Variants in INSR observed in about 807,000 individuals in gnomAD.
INSR encodes IR.
INSR carries 67 observed loss-of-function variants against 142.6 expected under a neutral mutation model. The observed-to-expected ratio is 0.47, with a 90% CI of 0.39 to 0.58. The LOEUF (loss-of-function observed/expected upper bound fraction) is 0.58. INSR is among the 20% of genes least tolerant of loss of function. The pLI, the probability that INSR is intolerant of heterozygous loss-of-function variation, is 0.00. For synonymous variants in INSR, 756 were observed against 743.1 expected (o/e 1.02, Z -0.28); for missense variants, 1,248 against 1,833.2 (o/e 0.68, Z 5.83).
intron 9 of INSR, 105 bp from the exon 10 acceptor site, chr19:7,153,032 ACACACACACCACACACCCCCC>A (rs1973428894): frequency 2.1e-6 from 1 of 466,456 alleles, no homozygotes; most frequent in African/African-American, 5.2e-5. Context: ...CACACCACAC[ACACACACACCACACACCCCCC>A]CACACACACA....
chr19:7,270,339 T>TCACACACACACACA (rs1178953100), intron 1 of INSR, among the ~76,000 whole-genome samples: 11 of 120,236 alleles, frequency 9.1e-5, no homozygotes, highest in South Asian at 2.7e-4. Context: ...TCTCTCTCTC[T>TCACACACACACACA]CACACACACA....
intron 2 of INSR, among the ~76,000 whole-genome samples, chr19:7,241,171 T>C (rs1472529213): frequency 8.2e-6 from 1 of 121,536 alleles, no homozygotes; most frequent in Non-Finnish European, 1.7e-5. Flanking sequence ...CTTTTTATTT[T>C]ATTTTGTTTT....
chr19:7,156,639 C>A (rs188414689), intron 9 of INSR, among the ~76,000 whole-genome samples: 138 of 151,832 alleles, frequency 9.1e-4, no homozygotes, highest in African/African-American at 3.0e-3. Flanking sequence ...GAAACCCTGA[C>A]CTAAAGGCAT....
At chr19:7,208,833 T>C (rs1975191967) in intron 2 of INSR, among the ~76,000 whole-genome samples, 1 of 151,434 alleles carries the variant, frequency 6.6e-6, no homozygotes, top group South Asian at 2.1e-4. Context: ...CGAAACCCCC[T>C]CTCTACTAAA....
At chr19:7,156,555 G>A (rs931938680) in intron 9 of INSR, among the ~76,000 whole-genome samples, 7 of 152,094 alleles carry the variant, frequency 4.6e-5, no homozygotes, top group African/African-American at 1.7e-4. Flanking sequence ...ATGCTGCTGA[G>A]CACCCTGAAG....
At position 7,119,498 on chromosome 19, in the gene INSR, C is replaced by T; in HGVS notation, c.3745G>A (p.Val1249Ile). The T allele has an allele frequency of 1.2e-6, 2 of 1,614,188 alleles. No individual in the cohort carries two copies. Among genetic ancestry groups the T allele is most frequent in the Non-Finnish European group, 1.7e-6 (2 of 1,180,020 alleles). ...TGATCCAGATACCCTCCATCCATGA[C>T]AAATTTCAACACCTGTTCATTAGAC... ...GLSNEQVLKF[V>I]MDGGYLDQPD... The change falls in exon 21 of 22, where the codon GTC becomes ATC. Residue 1249 changes from valine to isoleucine, a missense_variant. Val to Ile is a conservative substitution (Grantham distance 29, BLOSUM62 3). Coordinates refer to ENST00000302850, the MANE Select transcript of INSR (RefSeq NM_000208.4). The surrounding 1 kb of genome is among the most constrained non-coding windows in gnomAD (Gnocchi z 5.2).
intron 13 of INSR, among the ~76,000 whole-genome samples, chr19:7,139,170 A>G (rs1973008701): frequency 6.6e-6 from 1 of 152,200 alleles, no homozygotes; most frequent in Non-Finnish European, 1.5e-5. Flanking sequence ...GGCCCCAGCC[A>G]TGTGAATGAG....
intron 2 of INSR, among the ~76,000 whole-genome samples, chr19:7,233,382 C>G (rs1007575934): frequency 1.3e-5 from 2 of 152,186 alleles, no homozygotes; most frequent in African/African-American, 4.8e-5. Context: ...CGGCTACTAA[C>G]AGGTTAAGCC....
intron 14 of INSR, among the ~76,000 whole-genome samples, chr19:7,131,208 AGACTAACACAGGT>A (rs1408890219): frequency 6.6e-6 from 1 of 151,626 alleles, no homozygotes; most frequent in Non-Finnish European, 1.5e-5. Context: ...GTGTAAGTAC[AGACTAACACAGGT>A]GCCTACTTGA....
chr19:7,256,157 G>C (rs970285441), intron 2 of INSR, among the ~76,000 whole-genome samples: 2 of 151,824 alleles, frequency 1.3e-5, no homozygotes, highest in African/African-American at 2.4e-5. Flanking sequence ...ATAAATAAGG[G>C]CTGGGCATGG....
chr19:7,274,544 T>C (rs1968009667), intron 1 of INSR, among the ~76,000 whole-genome samples: 1 of 151,860 alleles, frequency 6.6e-6, no homozygotes, highest in Admixed American at 6.6e-5. Flanking sequence ...CTCACGCCTG[T>C]AATCCCAGCA....
chr19:7,208,184 A>G (rs1485234021), intron 2 of INSR, among the ~76,000 whole-genome samples: 1 of 152,148 alleles, frequency 6.6e-6, no homozygotes, highest in Non-Finnish European at 1.5e-5. Context: ...TGTGGCTGCC[A>G]GGAGGAACCG....
At chr19:7,235,456 G>T (rs548235441) in intron 2 of INSR, among the ~76,000 whole-genome samples, 1 of 152,126 alleles carries the variant, frequency 6.6e-6, no homozygotes, top group Non-Finnish European at 1.5e-5. Context: ...TGTGTCTGGC[G>T]CTAGAGCTTA....
intron 7 of INSR, 107 bp downstream of exon 7, chr19:7,167,861 A>G: frequency 7.6e-7 from 1 of 1,318,970 alleles, no homozygotes; most frequent in Non-Finnish European, 1.1e-6. Context: ...CAGGAGGAGG[A>G]GGGAGATAGA....
intron 2 of INSR, among the ~76,000 whole-genome samples, chr19:7,206,882 C>T (rs914648878): frequency 1.3e-5 from 2 of 152,096 alleles, no homozygotes; most frequent in African/African-American, 4.8e-5. Flanking sequence ...CATCTAAATC[C>T]CCTTTGAAAC....
chr19:7,193,803 C>T (rs1229285871), intron 2 of INSR, among the ~76,000 whole-genome samples: 6 of 152,044 alleles, frequency 3.9e-5, no homozygotes. Context: ...GCTCCTCCTA[C>T]CTCAGCCTCC....
intron 2 of INSR, among the ~76,000 whole-genome samples, chr19:7,197,835 C>CGAGA (rs748138504): frequency 2.8e-4 from 8 of 28,314 alleles, no homozygotes; most frequent in Non-Finnish European, 3.2e-4. Flanking sequence ...AGAGAGAGAA[C>CGAGA]GAGAGAGAGA....
At chr19:7,249,795 A>G (rs1425867283) in intron 2 of INSR, among the ~76,000 whole-genome samples, 1 of 152,184 alleles carries the variant, frequency 6.6e-6, no homozygotes, top group Non-Finnish European at 1.5e-5. Context: ...GATCGAGACC[A>G]TCCTGGCTAA....
chr19:7,276,168 C>T (rs1437837238), intron 1 of INSR, among the ~76,000 whole-genome samples: 1 of 151,696 alleles, frequency 6.6e-6, no homozygotes, highest in African/African-American at 2.4e-5. Flanking sequence ...TTTTTTGAGA[C>T]AGAGTCTTGC....
Sources: gnomAD v4.1 joint callset for allele counts (sites outside exome capture counted in the v4.1 genomes callset) on GRCh38, gnomAD v4.1.1 for gene constraint, Gnocchi (gnomAD v3.1) non-coding constraint, MANE v1.5 for transcripts, NCBI Gene and HGNC (gene_info 2026-07-23, HGNC 2026-07-21) for gene names.